DNAH6: variants seen among roughly 807,000 people sequenced by gnomAD.
DNAH6 encodes the protein axonemal beta dynein heavy chain 6.
DNAH6 carries 340 observed loss-of-function variants against 491.4 expected under a neutral mutation model. The ratio of observed to expected loss-of-function variants is 0.69; its 90% CI spans 0.63 to 0.76. The LOEUF is 0.76. Among genes scored for constraint, DNAH6 ranks in the 30% least tolerant of loss-of-function variants. The pLI, the probability that DNAH6 is intolerant of heterozygous loss-of-function variation, is 0.00. For missense variants in DNAH6, 4,443 were observed against 4,972.2 expected, an observed-to-expected ratio of 0.89 and a Z score of 3.20; for synonymous variants, 1,603 against 1,686.1, an observed-to-expected ratio of 0.95 and a Z score of 1.21.
the DNAH6 span, among the ~76,000 whole-genome samples, chr2:84,460,812 A>G: frequency 5.9e-5 from 9 of 152,324 alleles, no homozygotes; most frequent in Middle Eastern, 3.4e-3. Flanking sequence ...ACAATGTTTC[A>G]GTGCTGACTG....
intron 29 of DNAH6, among the ~76,000 whole-genome samples, chr2:84,633,846 G>T (rs773381878): frequency 6.6e-6 from 1 of 152,108 alleles, no homozygotes; most frequent in Non-Finnish European, 1.5e-5. Flanking sequence ...ATCGGAGGAA[G>T]GGGGGAAGTA....
chr2:84,571,172 CT>C (rs1395539917), intron 11 of DNAH6, among the ~76,000 whole-genome samples: 1 of 152,102 alleles, frequency 6.6e-6, no homozygotes, highest in Non-Finnish European at 1.5e-5. Context: ...GAAAGTTTTT[CT>C]TTGGTAGAAT....
the DNAH6 span, among the ~76,000 whole-genome samples, chr2:84,462,407 T>C: frequency 6.6e-6 from 1 of 152,326 alleles, no homozygotes; most frequent in African/African-American, 2.4e-5. Context: ...CTTCCTAAAA[T>C]GTATAAAAGC....
chr2:84,808,676 G>A (rs1679673898), intron 72 of DNAH6, 134 bp downstream of exon 72: 1 of 826,716 alleles, frequency 1.2e-6, no homozygotes. Flanking sequence ...AGCCCAATGA[G>A]TCTAAAAATG....
Position 84,658,397 on chromosome 2 carries a change from G to T in DNAH6, c.5863G>T (p.Asp1955Tyr). The T allele has an allele frequency of 1.3e-6, 2 of 1,549,312 alleles. No individual in the cohort carries two copies. Among genetic ancestry groups the T allele is most frequent in the Non-Finnish European group, 1.7e-6 (2 of 1,145,624 alleles). ...GTGCAGCCAAGCAATTCCACAAGTG[G>T]ACATCAGCAAAGTTACTACACTCTG... ...KKCSQAIPQV[D>Y]ISKVTTLCCL... is the part of the protein sequence containing the mutation. Residue 1955 changes from aspartate (D) to tyrosine (Y), a missense_variant, in exon 36 of 77, where the codon GAC (aspartate) becomes TAC (tyrosine). This residue lies in a region of DNAH6 where 2,977 missense variants were observed against 3,296.6 expected (regional missense o/e 0.90). Coordinates refer to ENST00000389394, the MANE Select transcript of DNAH6 (RefSeq NM_001370.2).
At chr2:84,599,774 G>C (rs960382404) in intron 18 of DNAH6, among the ~76,000 whole-genome samples, 1 of 152,138 alleles carries the variant, frequency 6.6e-6, no homozygotes, top group Non-Finnish European at 1.5e-5. Context: ...TAGCTAGTAA[G>C]TGTTGAAATC....
chr2:84,746,288 A>T (rs912189676), intron 63 of DNAH6, among the ~76,000 whole-genome samples: 1 of 152,222 alleles, frequency 6.6e-6, no homozygotes, highest in Non-Finnish European at 1.5e-5. Context: ...AAGAGGAAAG[A>T]TGGGCAAAAA....
chr2:84,572,535 C>A (rs1682000650), intron 11 of DNAH6, among the ~76,000 whole-genome samples: 1 of 151,944 alleles, frequency 6.6e-6, no homozygotes, highest in Non-Finnish European at 1.5e-5. Context: ...GAAGAAACAG[C>A]AGAAACATTC....
the DNAH6 span, among the ~76,000 whole-genome samples, chr2:84,463,852 CAT>C: frequency 2.6e-5 from 4 of 152,192 alleles, no homozygotes; most frequent in South Asian, 2.1e-4. Context: ...TATAGTCCCT[CAT>C]GTGTGGAATC....
intron 60 of DNAH6, among the ~76,000 whole-genome samples, 156 bp from the exon 61 acceptor site, chr2:84,727,513 C>T (rs994998466): frequency 6.6e-6 from 1 of 152,162 alleles, no homozygotes; most frequent in Non-Finnish European, 1.5e-5. Context: ...CTTAAAGTCT[C>T]AGTTTCCAAG....
intron 2 of DNAH6, among the ~76,000 whole-genome samples, chr2:84,522,813 G>C (rs1676272979): frequency 6.6e-6 from 1 of 152,066 alleles, no homozygotes; most frequent in Non-Finnish European, 1.5e-5. Flanking sequence ...CAGGGATAAA[G>C]CCTAATTGAT....
intron 3 of DNAH6, among the ~76,000 whole-genome samples, chr2:84,526,412 C>T (rs774290672): frequency 2.0e-5 from 3 of 152,088 alleles, no homozygotes; most frequent in Admixed American, 6.6e-5. Context: ...CAAGGTCTGT[C>T]CTCAAGGATT....
intron 10 of DNAH6, among the ~76,000 whole-genome samples, chr2:84,554,471 G>A (rs139193754): frequency 6.6e-6 from 1 of 152,188 alleles, no homozygotes; most frequent in South Asian, 2.1e-4. Flanking sequence ...TGTATCTTCT[G>A]TTGTTAGCTG....
chr2:84,680,178 A>G (rs1324216868), intron 41 of DNAH6, among the ~76,000 whole-genome samples: 1 of 152,184 alleles, frequency 6.6e-6, no homozygotes, highest in Non-Finnish European at 1.5e-5. Flanking sequence ...CACTGAAAAC[A>G]AATACTCAGG....
At chr2:84,484,338 T>C in the DNAH6 span, among the ~76,000 whole-genome samples, 6 of 152,212 alleles carry the variant, frequency 3.9e-5, no homozygotes, top group Admixed American at 3.3e-4. Context: ...ATTGTAGCTG[T>C]ACTCAATTAG....
intron 63 of DNAH6, among the ~76,000 whole-genome samples, chr2:84,757,794 C>T (rs1249142376): frequency 6.6e-6 from 1 of 152,092 alleles, no homozygotes; most frequent in East Asian, 1.9e-4. Context: ...TGGTACAGCC[C>T]CTTCTTCCAC....
At chr2:84,603,864 C>T (rs1221363611) in intron 18 of DNAH6, among the ~76,000 whole-genome samples, 7 of 152,154 alleles carry the variant, frequency 4.6e-5, no homozygotes, top group African/African-American at 9.7e-5. Context: ...ATAATGGACG[C>T]TGTTTCCCTC....
chr2:84,665,299 A>G (rs1300920681), intron 37 of DNAH6, among the ~76,000 whole-genome samples: 4 of 152,176 alleles, frequency 2.6e-5, no homozygotes, highest in Admixed American at 1.3e-4. Context: ...AAAAAAATCA[A>G]TGAATCCAGG....
intron 64 of DNAH6, among the ~76,000 whole-genome samples, chr2:84,766,024 T>C (rs1675043589): frequency 6.6e-6 from 1 of 152,018 alleles, no homozygotes; most frequent in South Asian, 2.1e-4. Context: ...GAGACACCAA[T>C]TGTGAAACTG....
Sources: allele counts gnomAD v4.1 joint callset (sites outside exome capture counted in the v4.1 genomes callset), GRCh38; gene constraint gnomAD v4.1.1; regional missense constraint gnomAD v4.1.1; transcripts MANE v1.5; gene names NCBI Gene and HGNC (gene_info 2026-07-23, HGNC 2026-07-21).